OSTN: variants seen among roughly 807,000 people sequenced by gnomAD.
OSTN encodes the protein osteocrin.
OSTN carries 9 observed loss-of-function variants against 12.0 expected under a neutral mutation model. The ratio of observed to expected loss-of-function variants is 0.75; its 90% CI spans 0.45 to 1.30. OSTN has a LOEUF of 1.30. OSTN is among the 50% of genes most tolerant of loss of function. The pLI, the probability that OSTN is intolerant of heterozygous loss-of-function variation, is 0.00. For synonymous variants in OSTN, 59 were observed against 56.9 expected (o/e 1.04, Z -0.16); for missense variants, 148 against 152.3 (o/e 0.97, Z 0.15).
chr3:191,236,405 T>C (rs1271578256), intron 3 of OSTN, among the ~76,000 whole-genome samples: 2 of 151,878 alleles, frequency 1.3e-5, no homozygotes, highest in African/African-American at 4.8e-5. Flanking sequence ...TTAAGGCAAG[T>C]CCACAGAGTA....
chr3:191,253,077 C>T (rs891644082), intron 4 of OSTN, among the ~76,000 whole-genome samples: 1 of 152,186 alleles, frequency 6.6e-6, no homozygotes. Flanking sequence ...ACATTCTCTT[C>T]GTGACCCAAA....
intron 2 of OSTN, among the ~76,000 whole-genome samples, chr3:191,218,255 C>A (rs1377659067): frequency 6.6e-6 from 1 of 151,892 alleles, no homozygotes; most frequent in Admixed American, 6.6e-5. Context: ...TTTATTTTTT[C>A]CCTTCGTTAT....
chr3:191,210,893 G>T (rs978508023), intron 1 of OSTN, among the ~76,000 whole-genome samples: 1 of 152,146 alleles, frequency 6.6e-6, no homozygotes, highest in African/African-American at 2.4e-5. Context: ...CTACAGTTTT[G>T]TAACTTCCAG....
At chr3:191,244,190 T>C (rs1451794358) in intron 3 of OSTN, among the ~76,000 whole-genome samples, 1 of 152,168 alleles carries the variant, frequency 6.6e-6, no homozygotes, top group East Asian at 1.9e-4. Context: ...CTGCTGTTTT[T>C]TGGAATGTAA....
intron 1 of OSTN, among the ~76,000 whole-genome samples, chr3:191,210,760 A>G (rs1714398610): frequency 6.6e-6 from 1 of 152,208 alleles, no homozygotes; most frequent in Non-Finnish European, 1.5e-5. Context: ...TGTCATTCAT[A>G]AAGGATGAAG....
rs1352326900 is a variant in OSTN, at chr3:191,251,671, G to A, written c.*12+1538G>A. Among the ~76,000 whole-genome samples the A allele has an allele frequency of 2.0e-5, 3 of 152,166 alleles. No individual in the cohort carries two copies. The East Asian group carries it at 5.8e-4, about 29-fold the overall frequency. On this transcript the variant is annotated intron_variant, in intron 4 of 4. Transcript: ENST00000682035. ...TGGAGTTGTTTAATGAACCTCTGCAGTTAATGAATGTCTATAGATACAAGA... is the reference window on the plus strand; with the variant it reads ...TGGAGTTGTTTAATGAACCTCTGCAATTAATGAATGTCTATAGATACAAGA...
rs1715864248 is a variant in OSTN at position 191,263,898 on chromosome 3, T to C, written c.*1045T>C. ...TTCTCAGTAATAACTATGATGTTAC[T>C]GTAGCTTGGACACATAGGTCCATTG... is the stretch of plus-strand genomic sequence containing the variant. On this transcript the variant is annotated 3_prime_UTR_variant, in exon 5 of 5. Transcript: ENST00000682035. 6.6e-6 allele frequency: 1 copy of C among 152,170 alleles called. No homozygotes were observed. Among genetic ancestry groups the C allele is most frequent in the South Asian group, 2.1e-4 (1 of 4,836 alleles). 9.4% of individuals were successfully genotyped at this position (152,170 alleles called of 1,614,324 possible).
At chr3:191,235,273 C>A (rs1715161736) in intron 3 of OSTN, among the ~76,000 whole-genome samples, 2 of 152,090 alleles carry the variant, frequency 1.3e-5, no homozygotes, top group Admixed American at 6.6e-5. Context: ...ATTCAAATAA[C>A]CATTCTTATA....
chr3:191,220,500 T>C (rs886390825), intron 3 of OSTN, among the ~76,000 whole-genome samples: 1 of 152,086 alleles, frequency 6.6e-6, no homozygotes, highest in Non-Finnish European at 1.5e-5. Context: ...CAAGAAATGA[T>C]GAAGAGAAAA....
At position 191,218,706 on chromosome 3, in the gene OSTN, C is replaced by T. The variant is rs1370839306; in HGVS notation, c.103-41C>T. The T allele has an allele frequency of 4.5e-6, 7 of 1,545,206 alleles. No homozygotes were observed. In the East Asian group the frequency reaches 1.4e-4, roughly 30 times the overall value. ...ATGCATATGTACATACTTGGAGTCT[C>T]TTTGTCTAAATTAACGGAATCGCCT... On this transcript the variant is annotated intron_variant, in intron 2 of 4. Transcript: ENST00000682035.
At chr3:191,251,588 AT>A (rs908179928) in intron 4 of OSTN, among the ~76,000 whole-genome samples, 2 of 152,222 alleles carry the variant, frequency 1.3e-5, no homozygotes, top group Non-Finnish European at 2.9e-5. Flanking sequence ...AATAGTCAGT[AT>A]TTTTTCTCAA....
intron 4 of OSTN, among the ~76,000 whole-genome samples, chr3:191,259,447 C>G (rs575726592): frequency 6.2e-4 from 93 of 149,608 alleles, no homozygotes; most frequent in South Asian, 1.3e-3. Flanking sequence ...ATGATCCACC[C>G]GCCTTGGCCT....
chr3:191,224,570 A>ACAT (rs1420456597), intron 3 of OSTN, among the ~76,000 whole-genome samples: 1 of 152,178 alleles, frequency 6.6e-6, no homozygotes, highest in East Asian at 1.9e-4. Context: ...TGAATATGGA[A>ACAT]CATTTATAAA....
Position 191,210,215 on chromosome 3 carries a change from A to C in OSTN, c.1-2318A>C, listed in dbSNP as rs147390053. On this transcript the variant is annotated intron_variant, in intron 1 of 4. Transcript: ENST00000682035. ...GATCTCGCGATAACTCACTCTCAGG[A>C]GAGAACAGCACCAAAGGGAAAATCT... Among the ~76,000 whole-genome samples, 311 of 152,296 alleles carry C rather than the reference A, an allele frequency of 2.0e-3. 1 individual carries two copies. Among genetic ancestry groups the C allele is most frequent in the African/African-American group, 7.2e-3 (298 of 41,558 alleles).
chr3:191,258,909 T>G (rs1043376189), intron 4 of OSTN, among the ~76,000 whole-genome samples: 8 of 152,134 alleles, frequency 5.3e-5, no homozygotes, highest in African/African-American at 1.9e-4. Flanking sequence ...TACACTAAGG[T>G]CAAGTCTCTC....
At chr3:191,243,483 A>G (rs891375878) in intron 3 of OSTN, among the ~76,000 whole-genome samples, 2 of 152,180 alleles carry the variant, frequency 1.3e-5, no homozygotes, top group Non-Finnish European at 2.9e-5. Context: ...TCCACATGTC[A>G]TCTTGGAGAA....
chr3:191,243,587 A>G (rs1469716015), intron 3 of OSTN, among the ~76,000 whole-genome samples: 1 of 152,106 alleles, frequency 6.6e-6, no homozygotes, highest in African/African-American at 2.4e-5. Context: ...GACAATATAA[A>G]TTGTATAAAT....
At chr3:191,237,477 G>A (rs1162387738) in intron 3 of OSTN, among the ~76,000 whole-genome samples, 1 of 152,204 alleles carries the variant, frequency 6.6e-6, no homozygotes, top group African/African-American at 2.4e-5. Flanking sequence ...GAGCAGGAAT[G>A]AAAAGTGAAG....
chr3:191,260,733 A>T (rs978399977), intron 4 of OSTN, among the ~76,000 whole-genome samples: 1 of 152,150 alleles, frequency 6.6e-6, no homozygotes, highest in African/African-American at 2.4e-5. Context: ...AGACCAGGAA[A>T]GACTGCTCCC....
Sources: allele counts gnomAD v4.1 joint callset (sites outside exome capture counted in the v4.1 genomes callset), GRCh38; gene constraint gnomAD v4.1.1; transcripts MANE v1.5; gene names NCBI Gene and HGNC (gene_info 2026-07-23, HGNC 2026-07-21).